DIO2: variants seen among roughly 807,000 people sequenced by gnomAD.
DIO2 encodes type II iodothyronine deiodinase.
A neutral mutation model predicts 21.4 loss-of-function variants in DIO2; 19 were observed. The observed-to-expected ratio is 0.89, with a 90% CI of 0.62 to 1.30. DIO2 has a LOEUF of 1.30. DIO2 is among the 50% of genes most tolerant of loss of function. The pLI is 0.00. For missense variants in DIO2, 302 were observed against 338.1 expected (o/e 0.89, Z 0.84); for synonymous variants, 122 against 132.9 (o/e 0.92, Z 0.57).
At chr14:80,211,543 TGGTGATAAAGGG>T, upstream of DIO2, 1 of 287,442 alleles carries the variant, frequency 3.5e-6, no homozygotes, top group South Asian at 4.9e-5. Flanking sequence ...AAAAGGGGGG[TGGTGATAAAGGG>T]GGTGGGGGAG....
chr14:80,211,258 T>A lies in DIO2; in HGVS notation c.215A>T (p.Tyr72Phe). The A allele has an allele frequency of 6.2e-7, 1 of 1,609,864 alleles. No individual in the cohort carries two copies. The highest frequency in any genetic ancestry group is 8.5e-7 in the Non-Finnish European group (1 of 1,179,526). ...CVWKSFLLDA[Y>F]KQVKLGEDAP... is the part of the protein sequence containing the mutation. ...CTTCTCAGCTCAGCTCACCTGTTTG[T>A]AGGCATCGAGGAGGAAGCTCTTCCA... Residue 72 changes from tyrosine to phenylalanine, a missense_variant, in exon 1 of 2, where the codon TAC becomes TTC. Physicochemically the swap from Tyr to Phe is conservative, Grantham distance 22. Transcript: ENST00000438257.
At chr14:80,211,887 A>G (rs907300704), upstream of DIO2, 1 of 148,750 alleles carries the variant, frequency 6.7e-6, no homozygotes, top group Non-Finnish European at 1.5e-5. Flanking sequence ...CCAAGCACCT[A>G]TGAGACTGTG....
At position 80,201,157 on chromosome 14, in the gene DIO2, TA is replaced by T. The variant is rs1887701494; in HGVS notation, c.*1531del. The T allele has an allele frequency of 6.6e-6, 1 of 150,946 alleles. No homozygotes were observed. The highest frequency in any genetic ancestry group is 1.5e-5 in the Non-Finnish European group (1 of 67,758). 9.4% of individuals were successfully genotyped at this position (150,946 alleles called of 1,614,324 possible). The stretch of plus-strand genomic sequence containing the variant: ...ATTTTAAAAAGAAAAAAATATTTTA[TA>T]TATATATTTTTTAAAATAGCATTAT... On this transcript the variant is annotated 3_prime_UTR_variant, in exon 2 of 2. Coordinates refer to ENST00000438257, the MANE Select transcript of DIO2 (RefSeq NM_013989.5).
chr14:80,204,994 C>T (rs997173217), intron 1 of DIO2, among the ~76,000 whole-genome samples: 1 of 152,080 alleles, frequency 6.6e-6, no homozygotes, highest in African/African-American at 2.4e-5. Flanking sequence ...TTTTTAGTCA[C>T]CACCACAGAG....
chr14:80,227,314 C>T (rs1223028125), intron 2 of DIO2, among the ~76,000 whole-genome samples: 1 of 152,152 alleles, frequency 6.6e-6, no homozygotes, highest in Non-Finnish European at 1.5e-5. Flanking sequence ...GGCATTTGAG[C>T]CACTTTCTCA....
chr14:80,211,261 G>T lies in DIO2; in HGVS notation c.212C>A (p.Ala71Asp). The change falls in exon 1 of 2, where the codon GCC becomes GAC. Residue 71 changes from alanine to aspartate, a missense_variant. Physicochemically the swap from Ala to Asp is moderately radical, Grantham distance 126 (BLOSUM62 -2). Coordinates refer to ENST00000438257, the MANE Select transcript of DIO2 (RefSeq NM_013989.5). ...RCVWKSFLLD[A>D]YKQVKLGEDA... is the part of the protein sequence containing the mutation. The stretch of plus-strand genomic sequence containing the variant: ...CTCAGCTCAGCTCACCTGTTTGTAG[G>T]CATCGAGGAGGAAGCTCTTCCAGAC... 1 of 1,610,098 alleles carries T rather than the reference G, an allele frequency of 6.2e-7. No homozygotes were observed. Among genetic ancestry groups the T allele is most frequent in the Non-Finnish European group, 8.5e-7 (1 of 1,179,626 alleles).
intron 2 of DIO2, among the ~76,000 whole-genome samples, chr14:80,222,770 G>T (rs1489745466): frequency 6.6e-6 from 1 of 151,978 alleles, no homozygotes; most frequent in African/African-American, 2.4e-5. Flanking sequence ...AATAGCAAAA[G>T]GTCTACAGAT....
rs1331433117 is a variant in DIO2 at position 80,202,178 on chromosome 14, T to C, written c.*511A>G. 7 of 379,958 alleles carry C rather than the reference T, an allele frequency of 1.8e-5. No individual in the cohort carries two copies. The East Asian group carries it at 2.6e-4, about 14-fold the overall frequency. 23.5% of individuals were successfully genotyped at this position (379,958 alleles called of 1,614,324 possible). ...GAAGCTGGAACATCAGAAATGACTC[T>C]AACATAAGGTCTAACCTTAACACCA... On this transcript the variant is annotated 3_prime_UTR_variant, in exon 2 of 2. Coordinates refer to ENST00000438257, the MANE Select transcript of DIO2 (RefSeq NM_013989.5).
At position 80,226,520 on chromosome 14, in the gene DIO2, T is replaced by A. The variant is rs545345134; in HGVS notation, c.-277-9783A>T. Among the ~76,000 whole-genome samples the A allele has an allele frequency of 4.6e-5, 7 of 152,326 alleles. No homozygotes were observed. The South Asian group carries it at 1.2e-3, about 27-fold the overall frequency. On this transcript the variant is annotated intron_variant, in intron 2 of 4. Transcript: ENST00000553594. ...GGACAAACCTGTGCCCTTCCCATGA[T>A]GGAAGAGGTCCAATATAATACCTGC...
rs997358995 is a variant in DIO2, at chr14:80,198,037, C to T, written c.*4652G>A. Reference sequence around the variant, plus strand: ...CCAATCCTAATACACATAAAAACCACGCTGACCAGTGACATGGGCCTGGAG... The same window carrying T: ...CCAATCCTAATACACATAAAAACCATGCTGACCAGTGACATGGGCCTGGAG... On this transcript the variant is annotated 3_prime_UTR_variant, in exon 2 of 2. Transcript: ENST00000438257. 23 of 152,632 alleles carry T rather than the reference C, an allele frequency of 1.5e-4. No homozygotes were observed. The highest frequency in any genetic ancestry group is 4.1e-4 in the South Asian group (2 of 4,834). 9.5% of individuals were successfully genotyped at this position (152,632 alleles called of 1,614,324 possible).
upstream of DIO2, among the ~76,000 whole-genome samples, chr14:80,213,202 T>G (rs1243971819): frequency 6.6e-6 from 1 of 152,208 alleles, no homozygotes; most frequent in African/African-American, 2.4e-5. Context: ...AGACAATGCT[T>G]TGGCAGAATG....
chr14:80,217,036 C>T (rs984273914), intron 2 of DIO2, among the ~76,000 whole-genome samples: 5 of 152,092 alleles, frequency 3.3e-5, no homozygotes, highest in Non-Finnish European at 7.3e-5. Flanking sequence ...GTAGTTTGTT[C>T]CCAATGAGAG....
chr14:80,221,885 T>C (rs1888473344), intron 2 of DIO2, among the ~76,000 whole-genome samples: 1 of 152,226 alleles, frequency 6.6e-6, no homozygotes, highest in South Asian at 2.1e-4. Flanking sequence ...CTACAAGTAA[T>C]AATCTCTTTC....
rs762384152 is a variant in DIO2, at chr14:80,202,383, A to G, written c.*306T>C. 8.2e-6 allele frequency: 5 copies of G among 613,206 alleles called. No homozygotes were observed. The African/African-American group carries it at 9.0e-5, about 11-fold the overall frequency. The allele number at this position is 613,206 out of a possible 1,614,324, so 38.0% of individuals were successfully genotyped here. The stretch of plus-strand genomic sequence containing the variant: ...TTCTTCTGGTCTCAAAGCATGCATC[A>G]GATGTATCAGTTCCTTCTCAATGCA... On this transcript the variant is annotated 3_prime_UTR_variant, in exon 2 of 2. Transcript: ENST00000438257.
chr14:80,228,617 T>G (rs886904688), intron 2 of DIO2, among the ~76,000 whole-genome samples: 1 of 152,186 alleles, frequency 6.6e-6, no homozygotes, highest in African/African-American at 2.4e-5. Flanking sequence ...TGGATTCTAT[T>G]TGGCTTTTCC....
chr14:80,209,868 CAGA>C (rs1888103711), intron 1 of DIO2, among the ~76,000 whole-genome samples: 2 of 152,206 alleles, frequency 1.3e-5, no homozygotes, highest in South Asian at 4.1e-4. Flanking sequence ...ATCTGATTTT[CAGA>C]AGAACAATCC....
Position 80,197,639 on chromosome 14 carries a change from A to T in DIO2, c.*5050T>A, listed in dbSNP as rs780994629. The T allele has an allele frequency of 3.9e-5, 6 of 152,670 alleles. No homozygotes were observed. Among genetic ancestry groups the T allele is most frequent in the Non-Finnish European group, 8.8e-5 (6 of 68,046 alleles). The allele number at this position is 152,670 out of a possible 1,614,324, so 9.5% of individuals were successfully genotyped here. A position where few individuals can be genotyped will look rare whatever the true frequency, so the allele number is the denominator to read the frequency against. On this transcript the variant is annotated 3_prime_UTR_variant, in exon 2 of 2. Transcript: ENST00000438257. ...CTTTCTACTGATAATCTCCCAAAGC[A>T]GTTCATTTTCTGCAACTGAGAAGCA...
At chr14:80,222,288 G>C (rs1384706386) in intron 2 of DIO2, among the ~76,000 whole-genome samples, 1 of 152,110 alleles carries the variant, frequency 6.6e-6, no homozygotes, top group Non-Finnish European at 1.5e-5. Context: ...ACACCAAAGA[G>C]CTAAACATTG....
chr14:80,207,731 C>T (rs1253903522), intron 1 of DIO2, among the ~76,000 whole-genome samples: 2 of 152,188 alleles, frequency 1.3e-5, no homozygotes, highest in Non-Finnish European at 2.9e-5. Context: ...GCTACGTACT[C>T]CTTCCTCTGA....
Sources: allele counts gnomAD v4.1 joint callset (sites outside exome capture counted in the v4.1 genomes callset), GRCh38; gene constraint gnomAD v4.1.1; transcripts MANE v1.5; gene names NCBI Gene and HGNC (gene_info 2026-07-23, HGNC 2026-07-21).